Variants in POLK observed in about 807,000 individuals in gnomAD.
POLK encodes the protein polymerase (DNA directed) kappa.
POLK carries 76 observed loss-of-function variants against 94.0 expected under a neutral mutation model. That is an observed-to-expected ratio of 0.81 (90% CI 0.67 to 0.98). The LOEUF (loss-of-function observed/expected upper bound fraction) is 0.98. Ranked by LOEUF, POLK falls within the 50% of genes least tolerant of loss-of-function variation. The probability of loss-of-function intolerance (pLI) is 0.00; values close to 1 mark genes in which losing one functional copy is unlikely to be tolerated. For synonymous variants in POLK, 349 were observed against 325.4 expected (o/e 1.07, Z -0.78); for missense variants, 954 against 1,010.1 (o/e 0.94, Z 0.75).
chr5:75,515,732 G>C (rs1400684941), intron 1 of POLK, among the ~76,000 whole-genome samples: 1 of 152,090 alleles, frequency 6.6e-6, no homozygotes, highest in African/African-American at 2.4e-5. Flanking sequence ...CAACAGTGTA[G>C]CAGGGTTCCC....
chr5:75,551,849 GA>G (rs965765025), intron 2 of POLK, among the ~76,000 whole-genome samples: 48 of 152,270 alleles, frequency 3.2e-4, no homozygotes, highest in African/African-American at 1.2e-3. Context: ...ATATGTCAAA[GA>G]AACCCTACTC....
chr5:75,544,468 C>A (rs1386058425), intron 1 of POLK, among the ~76,000 whole-genome samples: 1 of 152,060 alleles, frequency 6.6e-6, no homozygotes, highest in East Asian at 1.9e-4. Flanking sequence ...ATGACGAAAC[C>A]CCATCTTTAC....
At chr5:75,563,589 A>C (rs1027300087) in intron 3 of POLK, among the ~76,000 whole-genome samples, 3 of 152,178 alleles carry the variant, frequency 2.0e-5, no homozygotes, top group Non-Finnish European at 2.9e-5. Flanking sequence ...AGATTCTGGT[A>C]CATTGTGTCT....
intron 1 of POLK, among the ~76,000 whole-genome samples, chr5:75,534,273 A>T (rs1769336918): frequency 6.6e-6 from 1 of 151,944 alleles, no homozygotes; most frequent in African/African-American, 2.4e-5. Context: ...CTTAAAAAAA[A>T]AAAAAAAAAG....
rs192170128 is a variant in POLK at position 75,547,961 on chromosome 5, C to T, written c.135+804C>T. Among the ~76,000 whole-genome samples the T allele has an allele frequency of 1.0e-3, 152 of 152,284 alleles. 1 individual carries two copies. Among genetic ancestry groups the T allele is most frequent in the Admixed American group, 7.4e-3 (113 of 15,290 alleles). ...CTTTTTTTTGAGACAAGGTCTCACTCTGTCACCCAGGCCGGAGTCCAGTAG... is the reference window on the plus strand; with the variant it reads ...CTTTTTTTTGAGACAAGGTCTCACTTTGTCACCCAGGCCGGAGTCCAGTAG... On this transcript the variant is annotated intron_variant, in intron 2 of 14. Coordinates refer to ENST00000241436, the Ensembl canonical transcript of POLK.
At chr5:75,603,001 A>G (rs1397106742), downstream of POLK, among the ~76,000 whole-genome samples, 1 of 152,224 alleles carries the variant, frequency 6.6e-6, no homozygotes, top group Non-Finnish European at 1.5e-5. Context: ...CAACATGGGT[A>G]ATGGAAGCCA....
At position 75,560,572 on chromosome 5, in the gene POLK, G is replaced by A. The variant is rs183433668; in HGVS notation, c.255+7981G>A. 1.2e-3 allele frequency among the ~76,000 whole-genome samples: 190 copies of A among 152,210 alleles called. 1 individual carries two copies. The highest frequency in any genetic ancestry group is 4.4e-3 in the African/African-American group (184 of 41,524). On this transcript the variant is annotated intron_variant, in intron 3 of 14. Coordinates refer to ENST00000241436, the Ensembl canonical transcript of POLK. ...CTGGGATACATGTGCAGAATGTGCA[G>A]GTTTGTTACATAGGTATACATGTGC...
At chr5:75,544,707 G>A (rs1411909021) in intron 1 of POLK, among the ~76,000 whole-genome samples, 1 of 152,134 alleles carries the variant, frequency 6.6e-6, no homozygotes, top group African/African-American at 2.4e-5. Context: ...AAATATATGG[G>A]CAAGACAGCT....
At chr5:75,517,650 T>C (rs570950641) in intron 1 of POLK, among the ~76,000 whole-genome samples, 11 of 152,336 alleles carry the variant, frequency 7.2e-5, no homozygotes, top group Non-Finnish European at 1.6e-4. Flanking sequence ...GTCTGATTGC[T>C]GTGACCAGGG....
At chr5:75,547,907 A>T (rs1454213706) in intron 2 of POLK, among the ~76,000 whole-genome samples, 1 of 152,118 alleles carries the variant, frequency 6.6e-6, no homozygotes, top group African/African-American at 2.4e-5. Context: ...TTTGTATTCC[A>T]CTTATGAAAA....
At chr5:75,537,324 G>C (rs1769492223) in intron 1 of POLK, among the ~76,000 whole-genome samples, 1 of 152,194 alleles carries the variant, frequency 6.6e-6, no homozygotes, top group Admixed American at 6.5e-5. Flanking sequence ...TCCCAGTCTT[G>C]CACAGGTTTC....
chr5:75,511,741 C>T (rs1458222278), upstream of POLK: 4 of 1,549,888 alleles, frequency 2.6e-6, no homozygotes, highest in Non-Finnish European at 3.5e-6. Flanking sequence ...CCTTCGGGAT[C>T]CTCCTCCCGA....
chr5:75,573,920 C>G, intron 5 of POLK, 51 bp downstream of exon 5: 3 of 1,586,612 alleles, frequency 1.9e-6, no homozygotes, highest in Non-Finnish European at 1.7e-6. Context: ...TTCCTGTCAC[C>G]TACAGAATCT....
chr5:75,527,483 A>G (rs1490018279), intron 1 of POLK, among the ~76,000 whole-genome samples: 1 of 148,866 alleles, frequency 6.7e-6, no homozygotes, highest in Non-Finnish European at 1.5e-5. Flanking sequence ...CTGTCTCAAA[A>G]AAAAAAAAAA....
chr5:75,526,741 C>G (rs967221331), intron 1 of POLK, among the ~76,000 whole-genome samples: 1 of 151,954 alleles, frequency 6.6e-6, no homozygotes, highest in Non-Finnish European at 1.5e-5. Context: ...ACCACCACAA[C>G]CGGCTAATTT....
At chr5:75,597,375 T>C (rs933569582) in intron 13 of POLK, 197 bp downstream of exon 13, 3 of 524,312 alleles carry the variant, frequency 5.7e-6, no homozygotes, top group Non-Finnish European at 1.0e-5. Flanking sequence ...GGGAAAACTT[T>C]GGTTTGATCT....
At chr5:75,593,997 A>G (rs767926007) in exon 12 of POLK, 7 of 1,612,402 alleles carry the variant, frequency 4.3e-6, no homozygotes, top group Non-Finnish European at 5.9e-6. Flanking sequence ...AGGAATTGCT[A>G]AAAACAGAAA....
chr5:75,572,357 G>T (rs1230140002), intron 4 of POLK, among the ~76,000 whole-genome samples: 1 of 151,850 alleles, frequency 6.6e-6, no homozygotes, highest in Non-Finnish European at 1.5e-5. Flanking sequence ...CTTCATTTTG[G>T]AGACTTAATT....
downstream of POLK, among the ~76,000 whole-genome samples, chr5:75,601,424 G>T (rs955702608): frequency 6.6e-6 from 1 of 152,134 alleles, no homozygotes; most frequent in African/African-American, 2.4e-5. Context: ...TGGATTAAAT[G>T]ATGCAAAATA....
Sources: allele counts gnomAD v4.1 joint callset (sites outside exome capture counted in the v4.1 genomes callset), GRCh38; gene constraint gnomAD v4.1.1; transcripts MANE v1.5; gene names NCBI Gene and HGNC (gene_info 2026-07-23, HGNC 2026-07-21).